Variants in LRRC7 observed in about 807,000 individuals in gnomAD.
The protein encoded by LRRC7 is leucine rich repeat containing 7, also known as leucine-rich repeat-containing protein 7.
A neutral mutation model predicts 175.7 loss-of-function variants in LRRC7; 23 were observed. The observed-to-expected ratio is 0.13, with a 90% CI of 0.09 to 0.19. LRRC7 has a LOEUF of 0.19. LRRC7 is among the 10% of genes least tolerant of loss of function. LRRC7 has a pLI of 1.00. For missense variants in LRRC7, 1,354 were observed against 1,904.7 expected (o/e 0.71, Z 5.38); for synonymous variants, 685 against 680.9 (o/e 1.01, Z -0.09).
At chr1:69,872,704 A>G (rs1359759110) in intron 7 of LRRC7, among the ~76,000 whole-genome samples, 2 of 152,110 alleles carry the variant, frequency 1.3e-5, no homozygotes, top group Non-Finnish European at 2.9e-5. Context: ...TGCCTGGCAA[A>G]AGTTGCTATT....
chr1:69,796,163 C>T (rs1427770716), intron 4 of LRRC7, among the ~76,000 whole-genome samples: 1 of 131,480 alleles, frequency 7.6e-6, no homozygotes, highest in Admixed American at 8.7e-5. Context: ...GTTCCCCTTC[C>T]TGTGTCCATG....
At chr1:69,670,668 T>G (rs530765299) in intron 1 of LRRC7, among the ~76,000 whole-genome samples, 1 of 152,258 alleles carries the variant, frequency 6.6e-6, no homozygotes, top group Non-Finnish European at 1.5e-5. Context: ...TCAAAAACCT[T>G]AGGAGTATAC....
At chr1:69,881,501 C>A (rs1039223247) in intron 7 of LRRC7, among the ~76,000 whole-genome samples, 1 of 152,004 alleles carries the variant, frequency 6.6e-6, no homozygotes, top group Admixed American at 6.6e-5. Context: ...TATTATGACA[C>A]CAAAAGCTCA....
At chr1:69,683,613 C>T (rs1213683265) in intron 2 of LRRC7, among the ~76,000 whole-genome samples, 1 of 151,858 alleles carries the variant, frequency 6.6e-6, no homozygotes, top group Non-Finnish European at 1.5e-5. Context: ...AGAAGTTAAC[C>T]TGGAAAGGAA....
At chr1:69,713,115 T>C (rs1041727022) in intron 2 of LRRC7, among the ~76,000 whole-genome samples, 20 of 152,180 alleles carry the variant, frequency 1.3e-4, no homozygotes, top group African/African-American at 4.8e-4. Context: ...ATTTTAGGCA[T>C]ATAATTTTAC....
chr1:69,610,570 G>A (rs925989328), intron 1 of LRRC7, among the ~76,000 whole-genome samples: 9 of 151,758 alleles, frequency 5.9e-5, no homozygotes, highest in Admixed American at 5.9e-4. Context: ...TTTGTAAATA[G>A]CTTCTTTGTC....
At chr1:70,010,843 A>G (rs1338065126) in intron 11 of LRRC7, among the ~76,000 whole-genome samples, 1 of 152,150 alleles carries the variant, frequency 6.6e-6, no homozygotes, top group Non-Finnish European at 1.5e-5. Context: ...ATTTCAATGT[A>G]CATCTATACA....
At chr1:69,952,659 A>G (rs1023549477) in intron 8 of LRRC7, among the ~76,000 whole-genome samples, 8 of 152,080 alleles carry the variant, frequency 5.3e-5, no homozygotes, top group Non-Finnish European at 1.0e-4. Context: ...AAAATGAAAA[A>G]GAAGCATACA....
At chr1:69,747,467 G>T (rs1669379241) in intron 2 of LRRC7, among the ~76,000 whole-genome samples, 1 of 152,112 alleles carries the variant, frequency 6.6e-6, no homozygotes, top group Admixed American at 6.6e-5. Context: ...AGCCAGTGAA[G>T]AATTGTATAC....
At chr1:70,089,532 T>C (rs905051447) in intron 24 of LRRC7, among the ~76,000 whole-genome samples, 195 bp from the exon 25 acceptor site, 2 of 152,190 alleles carry the variant, frequency 1.3e-5, no homozygotes. Flanking sequence ...TTCAAGCGAG[T>C]TTCCATCATA....
At chr1:69,592,894 A>G (rs766068863) in intron 1 of LRRC7, among the ~76,000 whole-genome samples, 1 of 152,040 alleles carries the variant, frequency 6.6e-6, no homozygotes, top group Non-Finnish European at 1.5e-5. Context: ...TAGGATCCAA[A>G]CCTGGGAATC....
intron 1 of LRRC7, among the ~76,000 whole-genome samples, chr1:69,597,823 A>G (rs1460898916): frequency 6.6e-6 from 1 of 152,220 alleles, no homozygotes; most frequent in African/African-American, 2.4e-5. Flanking sequence ...AATTCAAAGA[A>G]TTAGCATCAT....
chr1:69,896,370 C>G (rs1378718654), intron 7 of LRRC7, among the ~76,000 whole-genome samples: 1 of 152,126 alleles, frequency 6.6e-6, no homozygotes, highest in African/African-American at 2.4e-5. Flanking sequence ...ACTCATCCTC[C>G]TGATCTATCA....
chr1:69,682,935 TACAA>T (rs2100621161), intron 2 of LRRC7, among the ~76,000 whole-genome samples: 1 of 152,302 alleles, frequency 6.6e-6, no homozygotes, highest in African/African-American at 2.4e-5. Context: ...ATACTTCCTC[TACAA>T]ACAATGTCAT....
chr1:69,668,354 T>A (rs556083178), intron 1 of LRRC7, among the ~76,000 whole-genome samples: 176 of 152,170 alleles, frequency 1.2e-3, no homozygotes, highest in Non-Finnish European at 8.7e-4. Context: ...GTCCATGTGT[T>A]CTCATTGTTC....
chr1:69,832,507 A>G (rs1226621172), intron 5 of LRRC7, among the ~76,000 whole-genome samples: 1 of 152,188 alleles, frequency 6.6e-6, no homozygotes, highest in Non-Finnish European at 1.5e-5. Flanking sequence ...AGAAAAGGAA[A>G]CAAATCTTGC....
At chr1:70,067,211 A>G (rs1162293706) in intron 23 of LRRC7, among the ~76,000 whole-genome samples, 1 of 152,068 alleles carries the variant, frequency 6.6e-6, no homozygotes, top group Non-Finnish European at 1.5e-5. Context: ...CATGATTTAC[A>G]AACATTTTCT....
intron 24 of LRRC7, among the ~76,000 whole-genome samples, chr1:70,081,258 C>T (rs942116492): frequency 3.3e-5 from 5 of 152,142 alleles, no homozygotes; most frequent in African/African-American, 9.7e-5. Context: ...ATAAGTTGCC[C>T]ATAAGCTGTT....
At chr1:69,947,862 A>G (rs570825796) in intron 8 of LRRC7, among the ~76,000 whole-genome samples, 2 of 152,282 alleles carry the variant, frequency 1.3e-5, no homozygotes, top group South Asian at 4.1e-4. Context: ...ACTAATAATA[A>G]AATAGAACAA....
Sources: allele counts gnomAD v4.1 joint callset (sites outside exome capture counted in the v4.1 genomes callset), GRCh38; gene constraint gnomAD v4.1.1; transcripts MANE v1.5; gene names NCBI Gene and HGNC (gene_info 2026-07-23, HGNC 2026-07-21).